The following CIMAP1D variants were observed in gnomAD, a reference collection of about 807,000 sequenced individuals.
CIMAP1D encodes CIMAP1 family member D, also known as protein CIMAP1D.
the CIMAP1D span, among the ~76,000 whole-genome samples, chr19:478,743 C>T: frequency 0.011 from 1,659 of 152,398 alleles, 25 homozygotes; most frequent in East Asian, 0.056. Flanking sequence ...GGCCGGAGGC[C>T]GGCCCTACGT....
the CIMAP1D span, chr19:463,868 G>C: frequency 6.2e-7 from 1 of 1,610,048 alleles, no homozygotes; most frequent in Non-Finnish European, 8.5e-7. Context: ...CGGGCAGCCT[G>C]TGCCCCGCAG....
chr19:466,408 G>A, the CIMAP1D span, among the ~76,000 whole-genome samples: 18 of 145,178 alleles, frequency 1.2e-4, no homozygotes, highest in Non-Finnish European at 2.7e-4. Context: ...GTGGATACAA[G>A]GTTAGGTAGA....
the CIMAP1D span, among the ~76,000 whole-genome samples, chr19:469,488 G>C: frequency 3.9e-5 from 6 of 152,018 alleles, no homozygotes; most frequent in Non-Finnish European, 7.4e-5. Context: ...TCACGAGTTC[G>C]AGACCAGCCT....
the CIMAP1D span, among the ~76,000 whole-genome samples, chr19:468,993 A>C: frequency 1.4e-4 from 21 of 151,754 alleles, no homozygotes; most frequent in Non-Finnish European, 2.4e-4. Flanking sequence ...CGTGGCACGC[A>C]GTGTGGCCCA....
At chr19:481,072 G>A in the CIMAP1D span, among the ~76,000 whole-genome samples, 34 of 147,478 alleles carry the variant, frequency 2.3e-4, no homozygotes, top group Non-Finnish European at 3.0e-5. Flanking sequence ...AAAGGATGAT[G>A]GGAAGGATGA....
chr19:468,842 C>G, the CIMAP1D span, among the ~76,000 whole-genome samples: 1 of 45,070 alleles, frequency 2.2e-5, no homozygotes, highest in African/African-American at 3.7e-5. Context: ...CAGTGTGGCC[C>G]AGACACGGCT....
At chr19:463,433 G>A in the CIMAP1D span, 1 of 261,750 alleles carries the variant, frequency 3.8e-6, no homozygotes. Context: ...CCTCGGGGCT[G>A]CCTCCAGCCT....
chr19:478,062 C>A, the CIMAP1D span, among the ~76,000 whole-genome samples: 26 of 152,256 alleles, frequency 1.7e-4, no homozygotes, highest in Non-Finnish European at 3.1e-4. Context: ...CCTGTCACTG[C>A]CCAACCTTGG....
the CIMAP1D span, among the ~76,000 whole-genome samples, chr19:470,863 C>T: frequency 2.0e-5 from 3 of 152,362 alleles, no homozygotes; most frequent in Admixed American, 6.5e-5. Flanking sequence ...GGGTCCACGC[C>T]GGAGCTGCTT....
chr19:482,151 C>A, the CIMAP1D span, among the ~76,000 whole-genome samples: 3 of 152,156 alleles, frequency 2.0e-5, no homozygotes, highest in East Asian at 5.8e-4. Flanking sequence ...ATTTTATTAA[C>A]CCCCATATCC....
the CIMAP1D span, among the ~76,000 whole-genome samples, chr19:491,150 G>C: frequency 1.3e-5 from 2 of 151,840 alleles, no homozygotes; most frequent in African/African-American, 4.8e-5. Context: ...GGTGGCACGT[G>C]CCTATAATCC....
chr19:484,095 A>C, the CIMAP1D span, among the ~76,000 whole-genome samples: 1 of 149,580 alleles, frequency 6.7e-6, no homozygotes, highest in Non-Finnish European at 1.5e-5. Flanking sequence ...CTGTGAACAC[A>C]TGTCTCTCTT....
the CIMAP1D span, among the ~76,000 whole-genome samples, chr19:475,503 C>A: frequency 1.3e-5 from 2 of 152,210 alleles, no homozygotes; most frequent in Non-Finnish European, 2.9e-5. Context: ...TGTGGGTGAG[C>A]CCCACGGAGA....
chr19:481,571 T>G, the CIMAP1D span, among the ~76,000 whole-genome samples: 7 of 119,744 alleles, frequency 5.8e-5, no homozygotes, highest in Non-Finnish European at 8.7e-5. Context: ...GGAAGGATGG[T>G]GGGAAGGATG....
the CIMAP1D span, chr19:464,360 C>T: frequency 2.0e-5 from 30 of 1,534,374 alleles, no homozygotes; most frequent in African/African-American, 2.1e-4. Flanking sequence ...GCGTCACCTC[C>T]GGACCTGAGA....
the CIMAP1D span, chr19:467,531 C>G: frequency 8.9e-6 from 7 of 782,684 alleles, no homozygotes; most frequent in East Asian, 9.7e-5. Flanking sequence ...TTTGATCACT[C>G]CAAAGACTCT....
chr19:488,849 C>T, the CIMAP1D span, among the ~76,000 whole-genome samples: 1 of 152,124 alleles, frequency 6.6e-6, no homozygotes, highest in Non-Finnish European at 1.5e-5. Flanking sequence ...GCGGCGGGGA[C>T]GCCCCCTCGG....
chr19:467,033 GT>G, the CIMAP1D span, among the ~76,000 whole-genome samples: 1 of 112,518 alleles, frequency 8.9e-6, no homozygotes, highest in Admixed American at 8.8e-5. Flanking sequence ...TGGGTGGAGG[GT>G]GGAAGGATGG....
At chr19:482,153 C>G in the CIMAP1D span, among the ~76,000 whole-genome samples, 2 of 152,150 alleles carry the variant, frequency 1.3e-5, no homozygotes, top group African/African-American at 4.8e-5. Context: ...TTTATTAACC[C>G]CCATATCCAA....
Sources: gnomAD v4.1 joint callset for allele counts (sites outside exome capture counted in the v4.1 genomes callset) on GRCh38, gnomAD v4.1.1 for gene constraint, MANE v1.5 for transcripts, NCBI Gene and HGNC (gene_info 2026-07-23, HGNC 2026-07-21) for gene names.